The following GBP4 variants were observed in gnomAD, a reference collection of about 807,000 sequenced individuals.
The protein encoded by GBP4 is guanylate-binding protein 4.
In GBP4, 69 loss-of-function variants were observed where a neutral mutation model predicts 62.2. The observed-to-expected ratio is 1.11, with a 90% CI of 0.91 to 1.36. The LOEUF is 1.36. Among genes scored for constraint, GBP4 ranks in the 40% most tolerant of loss-of-function variants. GBP4 has a pLI of 0.00. For synonymous variants in GBP4, 278 were observed against 274.6 expected, an observed-to-expected ratio of 1.01 and a Z score of -0.12; for missense variants, 697 against 759.3, an observed-to-expected ratio of 0.92 and a Z score of 0.96.
rs1241396915 is a variant in GBP4, at chr1:89,197,106, T to G, written c.235+4A>C. 2 of 1,607,870 alleles carry G rather than the reference T, an allele frequency of 1.2e-6. No individual in the cohort carries two copies. Among genetic ancestry groups the G allele is most frequent in the Non-Finnish European group, 8.5e-7 (1 of 1,176,146 alleles). Reference sequence around the variant, plus strand: ...AATGGCTCCTGTCCTAGGACCACACTCACCATTGCGCTTTCCTGCAAGACG... The same window carrying G: ...AATGGCTCCTGTCCTAGGACCACACGCACCATTGCGCTTTCCTGCAAGACG... On this transcript the variant is annotated splice_donor_region_variant and intron_variant, in intron 2 of 10. Transcript: ENST00000355754.
intron 10 of GBP4, 33 bp from the exon 11 acceptor site, chr1:89,185,502 C>T: frequency 8.7e-7 from 1 of 1,152,254 alleles, no homozygotes; most frequent in Non-Finnish European, 1.3e-6. Flanking sequence ...TTTTGAAAAT[C>T]TCCAATTTTC....
intron 3 of GBP4, among the ~76,000 whole-genome samples, chr1:89,194,474 A>G: frequency 6.6e-6 from 1 of 152,284 alleles, no homozygotes; most frequent in South Asian, 2.1e-4. Context: ...AATAATTCAG[A>G]CCTTTAATAC....
At position 89,191,304 on chromosome 1, in the gene GBP4, T is replaced by C; in HGVS notation, c.873A>G (p.Ala291=). Reference sequence around the variant, plus strand: ...TTCCCTCTCTCAGGGTCTTGGTCTTTGCATGGGTGAAGATATAAGAACAGA... The same window carrying C: ...TTCCCTCTCTCAGGGTCTTGGTCTTCGCATGGGTGAAGATATAAGAACAGA... The part of the protein sequence containing the change: ...DNFCSYIFTH[A]KTKTLREGII... Residue 291 remains alanine (A), a synonymous_variant, in exon 6 of 11, where the codon GCA becomes GCG. Transcript: ENST00000355754. 6.2e-7 allele frequency: 1 copy of C among 1,614,216 alleles called. No homozygotes were observed.
At chr1:89,189,624 C>T (rs1648126039) in intron 7 of GBP4, among the ~76,000 whole-genome samples, 1 of 152,208 alleles carries the variant, frequency 6.6e-6, no homozygotes, top group Non-Finnish European at 1.5e-5. Flanking sequence ...AAGAGGAATT[C>T]AGTGAAATTA....
intron 3 of GBP4, 55 bp downstream of exon 3, chr1:89,195,242 G>GA (rs1648298862): frequency 1.3e-6 from 2 of 1,591,320 alleles, no homozygotes; most frequent in South Asian, 1.1e-5. Context: ...GAAGGGAGCT[G>GA]AAAAAATTAA....
In GBP4 at chr1:89,190,213, G is replaced by A; in HGVS notation, c.1022C>T (p.Ala341Val). The A allele has an allele frequency of 6.2e-7, 1 of 1,614,162 alleles. No individual in the cohort carries two copies. Among genetic ancestry groups the A allele is most frequent in the African/African-American group, 1.3e-5 (1 of 75,040 alleles). The change falls in exon 7 of 11, where the codon GCT (alanine) becomes GTT (valine). Residue 341 changes from alanine to valine, a missense_variant. Coordinates refer to ENST00000355754, the MANE Select transcript of GBP4 (RefSeq NM_052941.5). ...TALAQLENPA[A>V]VQRAADHYSQ... Reference sequence around the variant, plus strand: ...ATAGTGGTCGGCTGCCCTCTGCACAGCCGCTGGGTTCTCAAGCTGGGCCAG... The same window carrying A: ...ATAGTGGTCGGCTGCCCTCTGCACAACCGCTGGGTTCTCAAGCTGGGCCAG...
At chr1:89,186,978 T>C in intron 9 of GBP4, 22 bp downstream of exon 9, 1 of 1,608,826 alleles carries the variant, frequency 6.2e-7, no homozygotes, top group Non-Finnish European at 8.5e-7. Context: ...ATCCCTCTGA[T>C]AGCTGAGCCC....
At chr1:89,195,178 T>G (rs1648296147) in intron 3 of GBP4, 119 bp downstream of exon 3, 1 of 1,046,676 alleles carries the variant, frequency 9.6e-7, no homozygotes, top group African/African-American at 1.6e-5. Flanking sequence ...GAAACAGAAT[T>G]TAGCCTCATT....
In GBP4 at chr1:89,192,907, G is replaced by A. The variant is rs143885653; in HGVS notation, c.667C>T (p.Pro223Ser). The change falls in exon 5 of 11, where the codon CCA (proline) becomes TCA (serine). Residue 223 changes from proline to serine, a missense_variant. Physicochemically the swap from Pro to Ser is moderately conservative, Grantham distance 74. Transcript: ENST00000355754. ...CATCCAGGCCATGCTCTGATACCTG[G>A]AATCAGCTTCAAGGCATTCTCCAGG... ...EYLENALKLI[P>S]GKNPKIQNSN... 1.9e-5 allele frequency: 30 copies of A among 1,613,454 alleles called. No homozygotes were observed. The African/African-American group carries it at 3.5e-4, about 19-fold the overall frequency.
intron 7 of GBP4, among the ~76,000 whole-genome samples, chr1:89,189,316 A>G (rs1248219335): frequency 6.6e-6 from 1 of 152,182 alleles, no homozygotes; most frequent in African/African-American, 2.4e-5. Context: ...ATCCAGTTGC[A>G]TTTTATCACT....
chr1:89,193,029 C>G lies in GBP4; in HGVS notation c.545G>C (p.Ser182Thr), dbSNP rs1461087366. ...CPRPDEAEDS[S>T]EFASFFPDFI... is the part of the protein sequence containing the mutation. Reference sequence around the variant, plus strand: ...GTCTGGAAAGAAACTCGCAAACTCGCTGGAGTCCTCAGCTTCATCAGGTCT... The same window carrying G: ...GTCTGGAAAGAAACTCGCAAACTCGGTGGAGTCCTCAGCTTCATCAGGTCT... The change falls in exon 5 of 11, where the codon AGC becomes ACC. Residue 182 changes from serine (S) to threonine (T), a missense_variant. By Grantham distance (58) the Ser-to-Thr change is moderately conservative (BLOSUM62 1). Transcript: ENST00000355754. 1 of 1,614,226 alleles carries G rather than the reference C, an allele frequency of 6.2e-7. No homozygotes were observed. Among genetic ancestry groups the G allele is most frequent in the South Asian group, 1.1e-5 (1 of 91,086 alleles).
At chr1:89,192,342 T>C (rs1330081370) in intron 5 of GBP4, among the ~76,000 whole-genome samples, 1 of 152,092 alleles carries the variant, frequency 6.6e-6, no homozygotes, top group Non-Finnish European at 1.5e-5. Context: ...AATAGTAAAA[T>C]GAAGGATTTG....
In GBP4 at chr1:89,187,044, A is replaced by C; in HGVS notation, c.1469T>G (p.Leu490Arg). The C allele has an allele frequency of 6.2e-7, 1 of 1,614,124 alleles. No homozygotes were observed. Among genetic ancestry groups the C allele is most frequent in the Non-Finnish European group, 8.5e-7 (1 of 1,180,002 alleles). Residue 490 changes from leucine to arginine, a missense_variant, in exon 9 of 11, where the codon CTG becomes CGG. This residue lies in a region of GBP4 where 141 missense variants were observed against 196.6 expected (regional missense o/e 0.72). Coordinates refer to ENST00000355754, the MANE Select transcript of GBP4 (RefSeq NM_052941.5). Reference protein sequence around the residue: ...QSQVVVEESILQSDKALTAGE... With the variant: ...QSQVVVEESIRQSDKALTAGE... Reference sequence around the variant, plus strand: ...AGCAGTGAGGGCTTTGTCTGACTGCAGGATGGATTCCTCTACAACCACCTG... The same window carrying C: ...AGCAGTGAGGGCTTTGTCTGACTGCCGGATGGATTCCTCTACAACCACCTG...
intron 8 of GBP4, among the ~76,000 whole-genome samples, chr1:89,188,103 G>A (rs1167648443): frequency 3.9e-5 from 6 of 151,960 alleles, no homozygotes; most frequent in Admixed American, 1.3e-4. Context: ...ACATTATTCC[G>A]AGAATCAAAC....
rs1648241358 is a variant in GBP4 at position 89,193,347 on chromosome 1, A to G, written c.429T>C (p.Tyr143=). ...GGTGGTTGATGGTGCTCACGCTGTT[A>G]TAGACAAAGCTGCTGCTTAGAAGCA... ...LAVLLSSSFV[Y]NSVSTINHQA... The change falls in exon 4 of 11, where the codon TAT becomes TAC. Residue 143 remains tyrosine (Y), a synonymous_variant. Transcript: ENST00000355754. 2.5e-6 allele frequency: 4 copies of G among 1,614,052 alleles called. No homozygotes were observed. The highest frequency in any genetic ancestry group is 2.5e-6 in the Non-Finnish European group (3 of 1,180,010).
chr1:89,197,360 G>C, intron 1 of GBP4, 56 bp from the exon 2 acceptor site: 1 of 1,491,794 alleles, frequency 6.7e-7, no homozygotes, highest in African/African-American at 1.4e-5. Flanking sequence ...TCATCCCTAA[G>C]GGCTACCTAA....
rs1054733071 is a variant in GBP4, at chr1:89,182,639, G to C, written c.*2615C>G. 2 of 152,032 alleles carry C rather than the reference G, an allele frequency of 1.3e-5. No homozygotes were observed. Among genetic ancestry groups the C allele is most frequent in the Admixed American group, 1.3e-4 (2 of 15,262 alleles). The allele number at this position is 152,032 out of a possible 1,614,324, so 9.4% of individuals were successfully genotyped here. A position where few individuals can be genotyped will look rare whatever the true frequency, so the allele number is the denominator to read the frequency against. ...TGGGACTACAGGCGCGTGCCACCAT[G>C]CCCGGCTAATTTTTGTATTTTTAGT... On this transcript the variant is annotated 3_prime_UTR_variant, in exon 11 of 11. Coordinates refer to ENST00000355754, the MANE Select transcript of GBP4 (RefSeq NM_052941.5).
At chr1:89,185,575 A>G in intron 10 of GBP4, 106 bp from the exon 11 acceptor site, 1 of 652,050 alleles carries the variant, frequency 1.5e-6, no homozygotes, top group Admixed American at 2.7e-5. Flanking sequence ...CTATTTCTCT[A>G]TTATCTTAGA....
rs146605007 is a variant in GBP4 at position 89,193,479 on chromosome 1, G to A, written c.364-67C>T. 7.3e-4 allele frequency: 976 copies of A among 1,341,032 alleles called. 7 individuals carry two copies. In the African/African-American group the frequency reaches 0.011, roughly 15 times the overall value. 83.1% of individuals were successfully genotyped at this position (1,341,032 alleles called of 1,614,324 possible). The stretch of plus-strand genomic sequence containing the variant: ...CATTCATTCATTCATTCATTTGGTT[G>A]TTCATTAGCTATTTCAGCTGTATGA... On this transcript the variant is annotated intron_variant, in intron 3 of 10. Coordinates refer to ENST00000355754, the MANE Select transcript of GBP4 (RefSeq NM_052941.5).
Sources: gnomAD v4.1 joint callset for allele counts (sites outside exome capture counted in the v4.1 genomes callset) on GRCh38, gnomAD v4.1.1 for gene constraint, gnomAD v4.1.1 regional missense constraint, MANE v1.5 for transcripts, NCBI Gene and HGNC (gene_info 2026-07-23, HGNC 2026-07-21) for gene names.